Variants in COL4A4 observed in about 807,000 individuals in gnomAD.
The protein encoded by COL4A4 is collagen alpha-4(IV) chain.
Under a neutral mutation model 192.9 loss-of-function variants are expected in COL4A4, and 105 were observed. The ratio of observed to expected loss-of-function variants is 0.54; its 90% CI spans 0.46 to 0.64. The LOEUF (loss-of-function observed/expected upper bound fraction) is 0.64, where lower values mean the gene tolerates loss of function less well. COL4A4 is among the 30% of genes least tolerant of loss of function. COL4A4 has a pLI of 0.00. For synonymous variants in COL4A4, 762 were observed against 769.9 expected (o/e 0.99, Z 0.17); for missense variants, 1,967 against 2,169.3 (o/e 0.91, Z 1.85).
chr2:227,007,540 C>T lies in COL4A4; in HGVS notation c.4858G>A (p.Gly1620Ser), dbSNP rs1271416659. Residue 1620 changes from glycine (G) to serine (S), a missense_variant, in exon 48 of 48, where the codon GGC (glycine) becomes AGC (serine). Physicochemically the swap from Gly to Ser is moderately conservative, Grantham distance 56. Coordinates refer to ENST00000396625, the MANE Select transcript of COL4A4 (RefSeq NM_000092.5). ...QGGGQALMSP[G>S]SCLEDFRAAP... ...GCTCTGAAATCTTCCAGGCAGCTGC[C>T]AGGTGACATAAGGGCCTGCCCTCCT... 13 of 1,613,376 alleles carry T rather than the reference C, an allele frequency of 8.1e-6. 1 individual carries two copies. The highest frequency in any genetic ancestry group is 3.7e-4 in the Middle Eastern group (2 of 5,394).
intron 37 of COL4A4, among the ~76,000 whole-genome samples, chr2:227,037,873 C>G (rs1970007126): frequency 6.6e-6 from 1 of 152,194 alleles, no homozygotes; most frequent in Non-Finnish European, 1.5e-5. Flanking sequence ...TGTTTGTTGG[C>G]CGCATAAATG....
chr2:227,088,945 G>C (rs2059747492), intron 21 of COL4A4, 129 bp from the exon 22 acceptor site: 2 of 1,096,294 alleles, frequency 1.8e-6, no homozygotes, highest in Non-Finnish European at 2.7e-6. Context: ...GCAGACAATT[G>C]AGAGCACGTG....
At chr2:227,055,897 T>A (rs1975215334) in intron 30 of COL4A4, 48 bp downstream of exon 30, 1 of 1,552,884 alleles carries the variant, frequency 6.4e-7, no homozygotes, top group Admixed American at 1.8e-5. Flanking sequence ...TGGCAGTGGA[T>A]TTCATGTTTC....
At chr2:226,977,193 C>T in the COL4A4 span, among the ~76,000 whole-genome samples, 3 of 152,324 alleles carry the variant, frequency 2.0e-5, no homozygotes, top group South Asian at 2.1e-4. Context: ...GGATGTCTCG[C>T]GTCTCTGGTT....
At chr2:227,040,987 T>C (rs1223493683) in intron 37 of COL4A4, among the ~76,000 whole-genome samples, 1 of 152,146 alleles carries the variant, frequency 6.6e-6, no homozygotes, top group Non-Finnish European at 1.5e-5. Flanking sequence ...TATATTATAT[T>C]ATAACCAGAC....
At chr2:227,016,575 A>G (rs1213354013) in intron 44 of COL4A4, among the ~76,000 whole-genome samples, 1 of 152,124 alleles carries the variant, frequency 6.6e-6, no homozygotes, top group Non-Finnish European at 1.5e-5. Flanking sequence ...GAAGCAGGGG[A>G]TTGAAGTGTT....
At chr2:227,111,635 T>C (rs764470968) in intron 9 of COL4A4, 43 bp downstream of exon 9, 6 of 1,605,666 alleles carry the variant, frequency 3.7e-6, no homozygotes, top group Admixed American at 1.7e-5. Context: ...CATAGGCTAT[T>C]TGAGGAGGAA....
At chr2:227,130,178 A>C (rs2062356654) in intron 4 of COL4A4, among the ~76,000 whole-genome samples, 1 of 152,184 alleles carries the variant, frequency 6.6e-6, no homozygotes, top group African/African-American at 2.4e-5. Flanking sequence ...AAGTAACCGC[A>C]CTTGTTCACA....
chr2:226,985,593 A>C, the COL4A4 span, among the ~76,000 whole-genome samples: 4 of 152,264 alleles, frequency 2.6e-5, no homozygotes, highest in Admixed American at 2.6e-4. Context: ...TCCGAGCTGT[A>C]GCTCAATGGT....
intron 27 of COL4A4, among the ~76,000 whole-genome samples, chr2:227,059,887 C>T (rs1208210460): frequency 6.6e-6 from 1 of 152,038 alleles, no homozygotes; most frequent in Non-Finnish European, 1.5e-5. Context: ...GTTTCAACAA[C>T]ATAATAGACA....
intron 1 of COL4A4, among the ~76,000 whole-genome samples, chr2:227,159,447 T>C (rs2064634511): frequency 6.6e-6 from 1 of 152,238 alleles, no homozygotes; most frequent in Non-Finnish European, 1.5e-5. Flanking sequence ...AATTCCATGC[T>C]TTAAGTGGAT....
At chr2:227,095,443 A>G (rs2060160750) in intron 19 of COL4A4, among the ~76,000 whole-genome samples, 1 of 152,208 alleles carries the variant, frequency 6.6e-6, no homozygotes, top group African/African-American at 2.4e-5. Flanking sequence ...ATTAAATAAA[A>G]TAATCCATGT....
At chr2:227,082,343 T>C (rs904685232) in intron 22 of COL4A4, among the ~76,000 whole-genome samples, 156 bp from the exon 23 acceptor site, 25 of 152,204 alleles carry the variant, frequency 1.6e-4, no homozygotes, top group African/African-American at 6.0e-4. Flanking sequence ...CCTTCCAAGG[T>C]AGTCCTGTCT....
chr2:227,000,463 G>C (rs190660782), downstream of COL4A4, among the ~76,000 whole-genome samples: 383 of 152,310 alleles, frequency 2.5e-3, no homozygotes, highest in African/African-American at 8.8e-3. Flanking sequence ...ACATAAAAAT[G>C]ATTACAGGTT....
chr2:227,087,538 A>C (rs2059669109), intron 22 of COL4A4, among the ~76,000 whole-genome samples: 1 of 152,170 alleles, frequency 6.6e-6, no homozygotes, highest in South Asian at 2.1e-4. Context: ...TCCTATGTCC[A>C]AACTAACAGC....
At chr2:227,098,612 G>A (rs1051111836) in intron 19 of COL4A4, 82 bp downstream of exon 19, 160 of 1,042,326 alleles carry the variant, frequency 1.5e-4, no homozygotes, top group Middle Eastern at 2.0e-4. Flanking sequence ...TCCAATATCA[G>A]CTACAGTTGA....
chr2:227,108,267 T>G (rs2060976707), intron 12 of COL4A4, among the ~76,000 whole-genome samples: 1 of 152,104 alleles, frequency 6.6e-6, no homozygotes, highest in South Asian at 2.1e-4. Flanking sequence ...TTATGTGAAA[T>G]TAAGCAAAAC....
At chr2:227,119,835 G>A (rs1576652507) in intron 6 of COL4A4, 60 bp downstream of exon 6, 1 of 1,168,690 alleles carries the variant, frequency 8.6e-7, no homozygotes, top group Non-Finnish European at 1.2e-6. Context: ...GTGGTTTTAA[G>A]GATTTTGATG....
chr2:227,058,939 G>A (rs978786127), intron 28 of COL4A4, among the ~76,000 whole-genome samples: 1 of 152,050 alleles, frequency 6.6e-6, no homozygotes, highest in East Asian at 1.9e-4. Context: ...TGGAATGAAG[G>A]TCCCTCTACC....
Sources: gnomAD v4.1 joint callset for allele counts (sites outside exome capture counted in the v4.1 genomes callset) on GRCh38, gnomAD v4.1.1 for gene constraint, MANE v1.5 for transcripts, NCBI Gene and HGNC (gene_info 2026-07-23, HGNC 2026-07-21) for gene names.